The following HECTD4 variants were observed in gnomAD, a reference collection of about 807,000 sequenced individuals.
The protein encoded by HECTD4 is HECT domain E3 ubiquitin protein ligase 4.
A neutral mutation model predicts 471.5 loss-of-function variants in HECTD4; 114 were observed. That is an observed-to-expected ratio of 0.24 (90% CI 0.21 to 0.28). The LOEUF (loss-of-function observed/expected upper bound fraction) is 0.28. Among genes scored for constraint, HECTD4 ranks in the 10% least tolerant of loss-of-function variants. HECTD4 has a pLI of 1.00. For synonymous variants in HECTD4, 2,012 were observed against 2,256.0 expected (o/e 0.89, Z 3.07); for missense variants, 3,866 against 5,651.5 (o/e 0.68, Z 10.13).
At position 112,193,613 on chromosome 12, in the gene HECTD4, G is replaced by T. The variant is rs1313734983; in HGVS notation, c.8811C>A (p.Ser2937=). The T allele has an allele frequency of 6.2e-7, 1 of 1,613,302 alleles. No individual in the cohort carries two copies. Among genetic ancestry groups the T allele is most frequent in the East Asian group, 2.2e-5 (1 of 44,868 alleles). Residue 2937 remains serine, a synonymous_variant, in exon 57 of 76, where the codon TCC becomes TCA. Transcript: ENST00000682272. The surrounding 1 kb of genome is among the most constrained non-coding windows in gnomAD (Gnocchi z 5.2). ...LAQSLQHCIH[S]QNCSATDLFY... The stretch of plus-strand genomic sequence containing the variant: ...AGAGGTCCGTGGCGGAGCAGTTCTG[G>T]GAATGGATGCAATGCTGTAAAGACT...
At chr12:112,255,022 G>A (rs2033976715) in intron 21 of HECTD4, among the ~76,000 whole-genome samples, 1 of 152,078 alleles carries the variant, frequency 6.6e-6, no homozygotes, top group Non-Finnish European at 1.5e-5. Context: ...TTACCCTTTG[G>A]GGCCTTTTGC....
At chr12:112,375,991 C>A (rs1428877794) in intron 1 of HECTD4, among the ~76,000 whole-genome samples, 2 of 151,604 alleles carry the variant, frequency 1.3e-5, no homozygotes, top group Admixed American at 6.6e-5. Flanking sequence ...CAGGAGAATC[C>A]CTTGAACCTG....
chr12:112,186,605 C>T (rs2031872829), intron 60 of HECTD4, among the ~76,000 whole-genome samples: 1 of 151,352 alleles, frequency 6.6e-6, no homozygotes, highest in Non-Finnish European at 1.5e-5. Context: ...TCCCAAAGTA[C>T]TGGGATTACA....
chr12:112,263,277 C>G (rs1261816416), intron 17 of HECTD4, among the ~76,000 whole-genome samples: 1 of 152,138 alleles, frequency 6.6e-6, no homozygotes, highest in African/African-American at 2.4e-5. Flanking sequence ...AGTATATATG[C>G]ATAAAGGAGT....
intron 34 of HECTD4, among the ~76,000 whole-genome samples, 186 bp from the exon 35 acceptor site, chr12:112,237,284 G>A (rs1456718210): frequency 3.3e-5 from 5 of 152,258 alleles, no homozygotes; most frequent in African/African-American, 1.2e-4. Context: ...ATAACTCAAT[G>A]TGGGGGGTAG....
At chr12:112,349,186 G>C (rs942818931) in intron 1 of HECTD4, among the ~76,000 whole-genome samples, 5 of 151,982 alleles carry the variant, frequency 3.3e-5, no homozygotes, top group African/African-American at 2.4e-5. Flanking sequence ...TCAGGAGTTC[G>C]AGACCAGCCT....
At chr12:112,221,897 G>A (rs1242469979) in intron 44 of HECTD4, among the ~76,000 whole-genome samples, 2 of 151,324 alleles carry the variant, frequency 1.3e-5, no homozygotes, top group Non-Finnish European at 2.9e-5. Flanking sequence ...TGGGATTACA[G>A]GCACTCGCCC....
rs1346040162 is a variant in HECTD4 at position 112,164,264 on chromosome 12, C to T, written c.12546G>A (p.Glu4182=). ...CAGCGCACAGGGCCTCCAGCTCGGT[C>T]TCATCATTGATCTGGAGGGTGGAGG... ...YVKKFESIND[E]TELEALCAEI... is the part of the protein sequence containing the mutation. Residue 4182 remains glutamate (E), a synonymous_variant, in exon 73 of 76, where the codon GAG becomes GAA. Transcript: ENST00000682272. 6.2e-7 allele frequency: 1 copy of T among 1,612,752 alleles called. No homozygotes were observed. The highest frequency in any genetic ancestry group is 1.3e-5 in the African/African-American group (1 of 74,920).
intron 55 of HECTD4, among the ~76,000 whole-genome samples, chr12:112,197,521 T>G (rs1376225807): frequency 2.0e-5 from 3 of 152,196 alleles, no homozygotes; most frequent in Non-Finnish European, 4.4e-5. Context: ...TGTGAGTGCT[T>G]TAGCACAGAA....
intron 70 of HECTD4, 23 bp from the exon 71 acceptor site, chr12:112,167,940 G>T: frequency 6.3e-7 from 1 of 1,583,594 alleles, no homozygotes; most frequent in South Asian, 1.1e-5. Context: ...CGAGACACAT[G>T]GGCACCTGGG....
intron 27 of HECTD4, 60 bp downstream of exon 27, chr12:112,248,007 G>C: frequency 9.9e-7 from 1 of 1,011,552 alleles, no homozygotes; most frequent in Non-Finnish European, 1.4e-6. Flanking sequence ...CACACACACA[G>C]TATATACCTT....
intron 1 of HECTD4, among the ~76,000 whole-genome samples, chr12:112,350,198 C>T (rs1470302945): frequency 6.6e-6 from 1 of 152,152 alleles, no homozygotes; most frequent in Non-Finnish European, 1.5e-5. Context: ...CATCTCGTGC[C>T]TTGGCCTCCC....
At chr12:112,376,534 C>G (rs1335405633) in intron 1 of HECTD4, among the ~76,000 whole-genome samples, 1 of 152,184 alleles carries the variant, frequency 6.6e-6, no homozygotes, top group Non-Finnish European at 1.5e-5. Flanking sequence ...GCATGAGCCA[C>G]CACGCCCGGC....
intron 25 of HECTD4, 113 bp downstream of exon 25, chr12:112,250,031 G>A: frequency 2.6e-6 from 2 of 779,216 alleles, no homozygotes; most frequent in Non-Finnish European, 4.3e-6. Context: ...CATTCATGGA[G>A]TAAACATAAA....
intron 1 of HECTD4, among the ~76,000 whole-genome samples, chr12:112,342,302 T>C (rs2036067573): frequency 6.6e-6 from 1 of 151,914 alleles, no homozygotes. Context: ...ACAAAAAAAT[T>C]AAAAATTAGC....
intron 27 of HECTD4, 30 bp downstream of exon 27, chr12:112,248,037 C>T: frequency 1.3e-6 from 2 of 1,501,872 alleles, no homozygotes; most frequent in Non-Finnish European, 1.8e-6. Context: ...AATGGCAATA[C>T]CCCAGTGACA....
At chr12:112,216,150 G>A (rs144959595) in intron 48 of HECTD4, 142 bp downstream of exon 48, 7 of 631,558 alleles carry the variant, frequency 1.1e-5, no homozygotes, top group Middle Eastern at 3.5e-4. Context: ...GTAAACTAGG[G>A]GGCAGCAAGG....
At chr12:112,234,544 C>G (rs926957946) in intron 37 of HECTD4, among the ~76,000 whole-genome samples, 5 of 152,228 alleles carry the variant, frequency 3.3e-5, no homozygotes, top group Non-Finnish European at 7.3e-5. Context: ...CTGGATCCCA[C>G]TAACAAAGCC....
intron 21 of HECTD4, among the ~76,000 whole-genome samples, chr12:112,255,863 A>G (rs1647302125): frequency 6.6e-6 from 1 of 152,188 alleles, no homozygotes; most frequent in Non-Finnish European, 1.5e-5. Flanking sequence ...ATGTTTAAAT[A>G]AATATAAACC....
Sources: allele counts gnomAD v4.1 joint callset (sites outside exome capture counted in the v4.1 genomes callset), GRCh38; gene constraint gnomAD v4.1.1; non-coding constraint Gnocchi (gnomAD v3.1); transcripts MANE v1.5; gene names NCBI Gene and HGNC (gene_info 2026-07-23, HGNC 2026-07-21).